The following PPP1R12B variants were observed in gnomAD, a reference collection of about 807,000 sequenced individuals.
PPP1R12B encodes the protein myosin phosphatase target subunit 2.
Under a neutral mutation model 126.1 loss-of-function variants are expected in PPP1R12B, and 76 were observed. The ratio of observed to expected loss-of-function variants is 0.60; its 90% CI spans 0.50 to 0.73. The LOEUF is 0.73. Among genes scored for constraint, PPP1R12B ranks in the 30% least tolerant of loss-of-function variants. PPP1R12B has a pLI of 0.00. For missense variants in PPP1R12B, 1,052 were observed against 1,205.1 expected (o/e 0.87, Z 1.88); for synonymous variants, 356 against 434.7 (o/e 0.82, Z 2.25).
At chr1:202,558,078 A>G (rs1317053099) in intron 18 of PPP1R12B, among the ~76,000 whole-genome samples, 1 of 152,104 alleles carries the variant, frequency 6.6e-6, no homozygotes, top group Non-Finnish European at 1.5e-5. Flanking sequence ...TTAACACTTC[A>G]GAAAGGGAAA....
chr1:202,540,998 A>G (rs1685066131), intron 18 of PPP1R12B, among the ~76,000 whole-genome samples: 1 of 152,184 alleles, frequency 6.6e-6, no homozygotes, highest in South Asian at 2.1e-4. Context: ...TTTGCATCTG[A>G]TTTAGTGTCT....
chr1:202,348,745 C>G lies in PPP1R12B; in HGVS notation c.-107C>G, dbSNP rs1328501322. The G allele has an allele frequency of 7.2e-7, 1 of 1,383,270 alleles. No individual in the cohort carries two copies. The highest frequency in any genetic ancestry group is 1.5e-5 in the African/African-American group (1 of 67,982). The allele number at this position is 1,383,270 out of a possible 1,614,324, so 85.7% of individuals were successfully genotyped here. A position where few individuals can be genotyped will look rare whatever the true frequency, so the allele number is the denominator to read the frequency against. On this transcript the variant is annotated 5_prime_UTR_variant, in exon 1 of 24. Coordinates refer to ENST00000608999, the MANE Select transcript of PPP1R12B (RefSeq NM_002481.4). The stretch of plus-strand genomic sequence containing the variant: ...AAAGATGGCGGCGCGAGGGTCTCCG[C>G]CCTCTGCTCCGGGCTGAAGCGCTCT...
intron 5 of PPP1R12B, among the ~76,000 whole-genome samples, chr1:202,428,242 A>C (rs1207786909): frequency 1.3e-5 from 2 of 152,218 alleles, no homozygotes; most frequent in East Asian, 3.9e-4. Context: ...TGTTGGGATT[A>C]CAGGTGTGAG....
chr1:202,492,814 T>C (rs1329627624), intron 14 of PPP1R12B, among the ~76,000 whole-genome samples: 1 of 152,170 alleles, frequency 6.6e-6, no homozygotes, highest in Non-Finnish European at 1.5e-5. Context: ...CTGAGAACTA[T>C]TTGGTATGGA....
intron 1 of PPP1R12B, among the ~76,000 whole-genome samples, chr1:202,389,489 A>G (rs936788781): frequency 1.1e-4 from 16 of 152,042 alleles, no homozygotes; most frequent in African/African-American, 3.6e-4. Context: ...CTAAAAATAC[A>G]AAAAATTAGC....
At chr1:202,496,888 T>C in intron 18 of PPP1R12B, 66 bp downstream of exon 18, 3 of 1,484,642 alleles carry the variant, frequency 2.0e-6, no homozygotes, top group South Asian at 2.4e-5. Context: ...GTAATTTTAG[T>C]AGAAGAAAGG....
intron 10 of PPP1R12B, chr1:202,438,754 G>GGGTGCAGGAGCAGCT (rs1406876538): frequency 1.8e-4 from 131 of 712,690 alleles, no homozygotes; most frequent in African/African-American, 1.7e-3. Context: ...AACAGCATGT[G>GGGTGCAGGAGCAGCT]GGAGCTGGTG....
intron 18 of PPP1R12B, among the ~76,000 whole-genome samples, chr1:202,532,066 C>G (rs1286312005): frequency 6.6e-6 from 1 of 152,170 alleles, no homozygotes; most frequent in African/African-American, 2.4e-5. Flanking sequence ...GTGGATTATT[C>G]ATGAGTTTTC....
intron 11 of PPP1R12B, among the ~76,000 whole-genome samples, chr1:202,441,787 T>TC (rs1558232715): frequency 6.6e-6 from 1 of 152,032 alleles, no homozygotes; most frequent in African/African-American, 2.4e-5. Flanking sequence ...TTCTTCATCT[T>TC]CCCCCATCAT....
At chr1:202,568,209 CTT>C (rs1387167507) in intron 22 of PPP1R12B, among the ~76,000 whole-genome samples, 5 of 151,986 alleles carry the variant, frequency 3.3e-5, no homozygotes, top group Admixed American at 6.6e-5. Context: ...TCCAAGGTCT[CTT>C]TACCGTTTTC....
chr1:202,401,212 C>T (rs1230140112), intron 1 of PPP1R12B, among the ~76,000 whole-genome samples: 2 of 151,152 alleles, frequency 1.3e-5, no homozygotes, highest in African/African-American at 2.4e-5. Context: ...TTTTTAGAGA[C>T]AGGGTCAGGC....
intron 23 of PPP1R12B, among the ~76,000 whole-genome samples, chr1:202,577,948 A>C (rs1689238071): frequency 6.6e-6 from 1 of 152,254 alleles, no homozygotes; most frequent in South Asian, 2.1e-4. Flanking sequence ...GCTAAACTTC[A>C]TACTTATATC....
intron 18 of PPP1R12B, among the ~76,000 whole-genome samples, chr1:202,543,631 G>A (rs1239336804): frequency 6.6e-6 from 1 of 152,068 alleles, no homozygotes; most frequent in Non-Finnish European, 1.5e-5. Flanking sequence ...AAGCTTTTCG[G>A]GAGGCTGAAG....
chr1:202,378,247 C>CTTT (rs386369339), intron 1 of PPP1R12B, among the ~76,000 whole-genome samples: 3,465 of 92,968 alleles, frequency 0.037, 51 homozygotes, highest in East Asian at 0.068. Context: ...TGTCTTCATT[C>CTTT]TTTTTTTTTT....
intron 13 of PPP1R12B, among the ~76,000 whole-genome samples, chr1:202,456,218 G>A (rs1369477429): frequency 6.6e-6 from 1 of 151,148 alleles, no homozygotes; most frequent in Non-Finnish European, 1.5e-5. Flanking sequence ...GCAGTGAGCC[G>A]AGATTGTACC....
At position 202,451,225 on chromosome 1, in the gene PPP1R12B, T is replaced by G. The variant is rs545925035; in HGVS notation, c.1850+2054T>G. On this transcript the variant is annotated intron_variant, in intron 13 of 23. Coordinates refer to ENST00000608999, the MANE Select transcript of PPP1R12B (RefSeq NM_002481.4). ...CTTGGGTGTTCCTCGCAGAGGGGGATTTGGCAGGGTCATAGGACAATAGTG... is the reference window on the plus strand; with the variant it reads ...CTTGGGTGTTCCTCGCAGAGGGGGAGTTGGCAGGGTCATAGGACAATAGTG... Among the ~76,000 whole-genome samples, 80 of 150,558 alleles carry G rather than the reference T, an allele frequency of 5.3e-4. No homozygotes were observed. In the East Asian group the frequency reaches 6.8e-3, roughly 13 times the overall value.
intron 1 of PPP1R12B, among the ~76,000 whole-genome samples, chr1:202,403,693 G>A (rs1666169247): frequency 6.6e-6 from 1 of 152,274 alleles, no homozygotes. Context: ...GTACTTGTTA[G>A]TTTGCTGCTC....
chr1:202,467,066 T>C (rs1675093510), intron 13 of PPP1R12B, among the ~76,000 whole-genome samples: 1 of 152,056 alleles, frequency 6.6e-6, no homozygotes, highest in Non-Finnish European at 1.5e-5. Flanking sequence ...TGGGCCTTCC[T>C]CTCCCCTGCC....
At position 202,589,871 on chromosome 1, in the gene PPP1R12B, G is replaced by C. The variant is rs1449734160; in HGVS notation, c.*9311G>C. 6.6e-6 allele frequency: 1 copy of C among 152,264 alleles called. No individual in the cohort carries two copies. The highest frequency in any genetic ancestry group is 6.5e-5 in the Admixed American group (1 of 15,286). The allele number at this position is 152,264 out of a possible 1,614,324, so 9.4% of individuals were successfully genotyped here. A position where few individuals can be genotyped will look rare whatever the true frequency, so the allele number is the denominator to read the frequency against. On this transcript the variant is annotated 3_prime_UTR_variant, in exon 24 of 24. Coordinates refer to ENST00000608999, the MANE Select transcript of PPP1R12B (RefSeq NM_002481.4). ...CTGCCCCCATGCCTTTGGACCTGAT[G>C]GACAAGCACACATCTAGCCAACGGT...
Sources: gnomAD v4.1 joint callset for allele counts (sites outside exome capture counted in the v4.1 genomes callset) on GRCh38, gnomAD v4.1.1 for gene constraint, MANE v1.5 for transcripts, NCBI Gene and HGNC (gene_info 2026-07-23, HGNC 2026-07-21) for gene names.